The following GRIPAP1 variants were observed in gnomAD, a reference collection of about 807,000 sequenced individuals.
The protein encoded by GRIPAP1 is GRIP1 associated protein 1, also known as GRIP1-associated protein 1.
Under a neutral mutation model 84.1 loss-of-function variants are expected in GRIPAP1, and 14 were observed. That is an observed-to-expected ratio of 0.17 (90% CI 0.11 to 0.26). The LOEUF (loss-of-function observed/expected upper bound fraction) is 0.26, where lower values mean the gene tolerates loss of function less well. Among genes scored for constraint, GRIPAP1 ranks in the 10% least tolerant of loss-of-function variants. The pLI is 1.00. For synonymous variants in GRIPAP1, 261 were observed against 256.8 expected, an observed-to-expected ratio of 1.02 and a Z score of -0.15; for missense variants, 518 against 674.2, an observed-to-expected ratio of 0.77 and a Z score of 2.57.
At chrX:48,978,984 G>A (rs953021821) in intron 21 of GRIPAP1, among the ~76,000 whole-genome samples, 1 of 110,344 alleles carries the variant, frequency 9.1e-6, no homozygotes, top group African/African-American at 3.3e-5. Flanking sequence ...AATGGAAGAG[G>A]TTGGAGAAAG....
At chrX:48,994,236 T>C (rs2064535037) in intron 5 of GRIPAP1, among the ~76,000 whole-genome samples, 1 of 102,109 alleles carries the variant, frequency 9.8e-6, no homozygotes. Context: ...TTTTTTTTTT[T>C]TTTTTGAGAT....
chrX:48,982,887 G>A (rs1371323114), intron 17 of GRIPAP1, 92 bp downstream of exon 17: 14 of 565,479 alleles, frequency 2.5e-5, no homozygotes, highest in Middle Eastern at 3.2e-4. Flanking sequence ...AGAAAATCTC[G>A]GGAAGTTCCA....
chrX:48,997,781 G>A (rs1294746850), intron 4 of GRIPAP1, among the ~76,000 whole-genome samples: 2 of 108,190 alleles, frequency 1.8e-5, no homozygotes, highest in Non-Finnish European at 3.8e-5. Context: ...TAGGAAGAGA[G>A]AGGAATGGGG....
chrX:48,993,514 G>C lies in GRIPAP1; in HGVS notation c.371C>G (p.Ala124Gly). 1 of 1,189,710 alleles carries C rather than the reference G, an allele frequency of 8.4e-7. No individual in the cohort carries two copies. Residue 124 changes from alanine to glycine, a missense_variant, in exon 6 of 26, where the codon GCA becomes GGA. Ala to Gly is a moderately conservative substitution (Grantham distance 60, BLOSUM62 0). Transcript: ENST00000376423. ...NQQLKEGAAG[A>G]GVAQAGPLVD... ...GAGGGGCCCAGCTTGGGCAACCCCT[G>C]CTCCTGCAGCCCCCTCCTTCAGTTG...
intron 24 of GRIPAP1, chrX:48,975,746 G>A (rs782045177): frequency 2.7e-6 from 1 of 375,116 alleles, no homozygotes; most frequent in Non-Finnish European, 4.6e-6. Context: ...AGAGAGAGAG[G>A]AGAGGAAGAT....
At chrX:48,999,209 T>C in intron 3 of GRIPAP1, 29 bp downstream of exon 3, 2 of 1,123,030 alleles carry the variant, frequency 1.8e-6, no homozygotes, top group Non-Finnish European at 2.4e-6. Context: ...GGTGGATGGG[T>C]AGGTGGATGG....
chrX:48,974,364 T>C, intron 25 of GRIPAP1, 79 bp from the exon 26 acceptor site: 2 of 595,391 alleles, frequency 3.4e-6, no homozygotes, highest in Admixed American at 5.3e-5. Context: ...TCATCTGTGA[T>C]TTCCCTCACA....
intron 21 of GRIPAP1, among the ~76,000 whole-genome samples, chrX:48,979,376 C>G (rs1557061384): frequency 1.0e-5 from 1 of 97,644 alleles, no homozygotes; most frequent in Admixed American, 1.1e-4. Flanking sequence ...ACTTGGGAGG[C>G]TGAGGCAGGA....
At chrX:48,980,492 G>A (rs1421997651) in intron 21 of GRIPAP1, among the ~76,000 whole-genome samples, 1 of 110,580 alleles carries the variant, frequency 9.0e-6, no homozygotes, top group Admixed American at 9.7e-5. Flanking sequence ...GTGTGGGAGT[G>A]TGTAATGTAG....
chrX:48,992,890 G>T (rs1486192594), intron 6 of GRIPAP1, among the ~76,000 whole-genome samples: 2 of 108,472 alleles, frequency 1.8e-5, no homozygotes, highest in African/African-American at 6.7e-5. Context: ...GTGTGATCTC[G>T]GCTCACTGCA....
intron 11 of GRIPAP1, 58 bp downstream of exon 11, chrX:48,989,553 C>T (rs2064509277): frequency 1.3e-6 from 1 of 787,040 alleles, no homozygotes; most frequent in Non-Finnish European, 1.9e-6. Flanking sequence ...CCTCAGACCT[C>T]TCCAGGCTCC....
intron 1 of GRIPAP1, among the ~76,000 whole-genome samples, chrX:49,000,335 AGCCTGG>A (rs1204733698): frequency 3.9e-5 from 3 of 77,497 alleles, no homozygotes; most frequent in Non-Finnish European, 7.1e-5. Flanking sequence ...ACTGCACTCC[AGCCTGG>A]GTGACAGAGT....
intron 1 of GRIPAP1, chrX:49,000,639 T>G (rs1557068312): frequency 9.3e-6 from 1 of 107,969 alleles, no homozygotes; most frequent in Non-Finnish European, 1.9e-5. Context: ...TGCAGTGAGC[T>G]GAGATCGTGC....
intron 15 of GRIPAP1, 118 bp from the exon 16 acceptor site, chrX:48,983,558 T>A: frequency 1.7e-6 from 1 of 592,729 alleles, no homozygotes; most frequent in Non-Finnish European, 2.7e-6. Context: ...CCCACTGAAC[T>A]GGCTAAGGCA....
intron 24 of GRIPAP1, 28 bp from the exon 25 acceptor site, chrX:48,975,337 C>A (rs1430107398): frequency 8.4e-7 from 1 of 1,190,694 alleles, no homozygotes; most frequent in Non-Finnish European, 1.1e-6. Flanking sequence ...GAAAACCACC[C>A]CCTCGGCAGA....
intron 11 of GRIPAP1, chrX:48,988,442 C>G (rs1443818251): frequency 5.2e-6 from 2 of 387,231 alleles, no homozygotes; most frequent in Non-Finnish European, 9.0e-6. Flanking sequence ...CTGGCCCTAG[C>G]TGCTACGCGG....
intron 18 of GRIPAP1, 51 bp downstream of exon 18, chrX:48,981,744 A>G: frequency 1.7e-6 from 2 of 1,161,212 alleles, no homozygotes; most frequent in Non-Finnish European, 2.3e-6. Context: ...CTGTCCTCCC[A>G]GGAGGGCCCG....
chrX:48,987,486 G>A (rs1301243843), intron 13 of GRIPAP1, among the ~76,000 whole-genome samples: 13 of 86,290 alleles, frequency 1.5e-4, no homozygotes, highest in East Asian at 3.5e-4. Flanking sequence ...TTGCTCTGTC[G>A]CCCAGGCTGG....
At chrX:48,980,526 G>A (rs2064449816) in intron 21 of GRIPAP1, among the ~76,000 whole-genome samples, 1 of 110,846 alleles carries the variant, frequency 9.0e-6, no homozygotes, top group South Asian at 3.8e-4. Context: ...GAGACAGACA[G>A]AGATATAAAC....
Sources: allele counts gnomAD v4.1 joint callset (sites outside exome capture counted in the v4.1 genomes callset), GRCh38; gene constraint gnomAD v4.1.1; transcripts MANE v1.5; gene names NCBI Gene and HGNC (gene_info 2026-07-23, HGNC 2026-07-21).